Variants in PSORS1C1 observed in about 807,000 individuals in gnomAD.
PSORS1C1 encodes psoriasis susceptibility 1 candidate gene 1 protein.
In PSORS1C1, 7 loss-of-function variants were observed where a neutral mutation model predicts 9.4. The observed-to-expected ratio is 0.75, with a 90% CI of 0.42 to 1.40. The LOEUF (loss-of-function observed/expected upper bound fraction) is 1.40, where lower values mean the gene tolerates loss of function less well. Ranked by LOEUF, PSORS1C1 falls within the 40% of genes most tolerant of loss-of-function variation. The pLI is 0.01. For missense variants in PSORS1C1, 146 were observed against 178.1 expected, an observed-to-expected ratio of 0.82 and a Z score of 1.02; for synonymous variants, 63 against 69.4, an observed-to-expected ratio of 0.91 and a Z score of 0.46.
At chr6:31,130,862 ATT>A (rs56327850) in intron 3 of PSORS1C1, among the ~76,000 whole-genome samples, 1 of 143,516 alleles carries the variant, frequency 7.0e-6, no homozygotes. Flanking sequence ...TTTAATTTTA[ATT>A]TTTTTTTTTT....
chr6:31,117,532 G>A (rs1196569480), intron 1 of PSORS1C1: 1 of 1,549,736 alleles, frequency 6.5e-7, no homozygotes, highest in Admixed American at 2.0e-5. Context: ...CAAGGTCCCT[G>A]TGGAGGAAAG....
chr6:31,138,268 C>T, intron 3 of PSORS1C1, 162 bp from the exon 4 acceptor site: 1 of 1,577,736 alleles, frequency 6.3e-7, no homozygotes, highest in Non-Finnish European at 8.6e-7. Flanking sequence ...CGGTCCTCTG[C>T]GGGTGGGTGA....
At chr6:31,116,232 A>G in intron 1 of PSORS1C1, 3 of 1,614,070 alleles carry the variant, frequency 1.9e-6, no homozygotes, top group Non-Finnish European at 2.5e-6. Flanking sequence ...AGGAGGAGAC[A>G]GACATGCAAG....
Position 31,115,875 on chromosome 6 carries a change from C to A in PSORS1C1, c.-229+984C>A, listed in dbSNP as rs2150955359. 1.5e-6 allele frequency: 1 copy of A among 675,888 alleles called. No individual in the cohort carries two copies. Among genetic ancestry groups the A allele is most frequent in the Admixed American group, 2.3e-5 (1 of 43,118 alleles). The allele number at this position is 675,888 out of a possible 1,614,324, so 41.9% of individuals were successfully genotyped here. ...AGGGGTGATAAGAGAGAGTCTGCAA[C>A]CTTGGGGTAGTGGAGAAAGCAGAAC... On this transcript the variant is annotated intron_variant, in intron 1 of 5. Transcript: ENST00000259881. This position sits in a 1 kb window ranked among gnomAD's most constrained non-coding sequence, Gnocchi z 4.2.
rs60544531 is a variant in PSORS1C1, at chr6:31,134,503, C to T, written c.14-3927C>T. Reference sequence around the variant, plus strand: ...GTATTTTTTAGTAGAGACTGGGTTTCACCATGTTAGCCAGGATGGTCTCGA... The same window carrying T: ...GTATTTTTTAGTAGAGACTGGGTTTTACCATGTTAGCCAGGATGGTCTCGA... On this transcript the variant is annotated intron_variant, in intron 3 of 5. Coordinates refer to ENST00000259881, the MANE Select transcript of PSORS1C1 (RefSeq NM_014068.3). 0.013 allele frequency among the ~76,000 whole-genome samples: 1,992 copies of T among 152,062 alleles called. 99 individuals carry two copies. The East Asian group carries it at 0.14, about 10-fold the overall frequency.
chr6:31,114,829 CA>C lies in PSORS1C1; in HGVS notation c.-290del. Reference sequence around the variant, plus strand: ...TTGTGTCCCAGCCTTCCCAAGCTTCCAGGTGTCCCAGAAACCCAGGAAATCG... The same window carrying C: ...TTGTGTCCCAGCCTTCCCAAGCTTCCGGTGTCCCAGAAACCCAGGAAATCG... On this transcript the variant is annotated 5_prime_UTR_variant, in exon 1 of 6. Coordinates refer to ENST00000259881, the MANE Select transcript of PSORS1C1 (RefSeq NM_014068.3). 2.2e-6 allele frequency: 1 copy of C among 455,994 alleles called. No homozygotes were observed. The highest frequency in any genetic ancestry group is 2.4e-5 in the Admixed American group (1 of 42,468). The allele number at this position is 455,994 out of a possible 1,614,324, so 28.2% of individuals were successfully genotyped here. A position where few individuals can be genotyped will look rare whatever the true frequency, so the allele number is the denominator to read the frequency against.
At chr6:31,134,660 G>C (rs1773071513) in intron 3 of PSORS1C1, among the ~76,000 whole-genome samples, 1 of 152,216 alleles carries the variant, frequency 6.6e-6, no homozygotes, top group East Asian at 1.9e-4. Context: ...GTTCTAAGTG[G>C]TGAAATTTAA....
rs1265045 is a variant in PSORS1C1 at position 31,117,563 on chromosome 6, G to A, written c.-229+2672G>A. 287,218 of 1,539,160 alleles carry A rather than the reference G, an allele frequency of 0.19. 28,516 individuals are homozygous for A. Among genetic ancestry groups the A allele is most frequent in the East Asian group, 0.33 (13,297 of 40,868 alleles). ...GAAAGCAGTGGTTAGTAAGGGCCAA[G>A]GAGGCTTGGCTTCCTCCCTCACCTT... On this transcript the variant is annotated intron_variant, in intron 1 of 5. Coordinates refer to ENST00000259881, the MANE Select transcript of PSORS1C1 (RefSeq NM_014068.3).
intron 3 of PSORS1C1, among the ~76,000 whole-genome samples, chr6:31,134,504 A>T (rs973544739): frequency 6.6e-6 from 1 of 151,308 alleles, no homozygotes; most frequent in Non-Finnish European, 1.5e-5. Flanking sequence ...ACTGGGTTTC[A>T]CCATGTTAGC....
intron 3 of PSORS1C1, among the ~76,000 whole-genome samples, chr6:31,132,324 C>T (rs766255283): frequency 2.0e-5 from 3 of 152,104 alleles, no homozygotes; most frequent in Non-Finnish European, 2.9e-5. Flanking sequence ...GAGTTTGAGA[C>T]CAGCCTGGCC....
chr6:31,129,566 C>G lies in PSORS1C1; in HGVS notation c.-64-3C>G, dbSNP rs1329111214. 3 of 777,322 alleles carry G rather than the reference C, an allele frequency of 3.9e-6. No individual in the cohort carries two copies. The highest frequency in any genetic ancestry group is 1.7e-5 in the Admixed American group (1 of 58,598). The allele number at this position is 777,322 out of a possible 1,614,324, so 48.2% of individuals were successfully genotyped here. On this transcript the variant is annotated splice_polypyrimidine_tract_variant and splice_region_variant and intron_variant, in intron 2 of 5. Coordinates refer to ENST00000259881, the MANE Select transcript of PSORS1C1 (RefSeq NM_014068.3). Reference sequence around the variant, plus strand: ...TTTCCCACTCACCTACCTGCCATGTCAGCCTGGGAAGAATTGGTTTGCAGC... The same window carrying G: ...TTTCCCACTCACCTACCTGCCATGTGAGCCTGGGAAGAATTGGTTTGCAGC...
chr6:31,138,993 C>A, intron 5 of PSORS1C1: 1 of 1,614,116 alleles, frequency 6.2e-7, no homozygotes, highest in Non-Finnish European at 8.5e-7. Context: ...AGGCAAAGGA[C>A]CAGGATCCCC....
At chr6:31,132,358 C>T (rs965104410) in intron 3 of PSORS1C1, among the ~76,000 whole-genome samples, 1 of 151,590 alleles carries the variant, frequency 6.6e-6, no homozygotes, top group African/African-American at 2.4e-5. Flanking sequence ...CCTGTTTCTA[C>T]TAAAAATACA....
intron 2 of PSORS1C1, among the ~76,000 whole-genome samples, chr6:31,127,541 C>T (rs1193301803): frequency 8.3e-6 from 1 of 120,392 alleles, no homozygotes; most frequent in Non-Finnish European, 1.8e-5. Flanking sequence ...TCCATTCTCT[C>T]AATGACCCTA....
At chr6:31,138,095 C>T in intron 3 of PSORS1C1, 1 of 1,586,126 alleles carries the variant, frequency 6.3e-7, no homozygotes. Context: ...GAGGAGGATC[C>T]GTTCTAGGCG....
intron 5 of PSORS1C1, 122 bp downstream of exon 5, chr6:31,138,901 A>G: frequency 6.2e-7 from 1 of 1,600,372 alleles, no homozygotes; most frequent in Non-Finnish European, 8.6e-7. Context: ...CCATGCGTCC[A>G]GTTCACCTCC....
At chr6:31,134,124 G>A (rs1025870012) in intron 3 of PSORS1C1, among the ~76,000 whole-genome samples, 8 of 151,592 alleles carry the variant, frequency 5.3e-5, no homozygotes, top group African/African-American at 7.3e-5. Flanking sequence ...GATTACAGGC[G>A]CCCGCCACCA....
rs376877885 is a variant in PSORS1C1 at position 31,116,286 on chromosome 6, G to A, written c.-229+1395G>A. The A allele has an allele frequency of 4.3e-6, 7 of 1,614,034 alleles. No individual in the cohort carries two copies. In the African/African-American group the frequency reaches 9.3e-5, roughly 22 times the overall value. On this transcript the variant is annotated intron_variant, in intron 1 of 5. Transcript: ENST00000259881. The stretch of plus-strand genomic sequence containing the variant: ...ACTTGCTGCCACAAGGCTGAAGGAT[G>A]ATTTTGCCACTGGATTGGGAACTGG...
chr6:31,129,620 T>G lies in PSORS1C1; in HGVS notation c.-13T>G. ...GCAGTCCTCCATCCAGTCTTGACTT[T>G]GGCACTTGTGATATGACTTGCACAG... On this transcript the variant is annotated 5_prime_UTR_variant, in exon 3 of 6. Coordinates refer to ENST00000259881, the MANE Select transcript of PSORS1C1 (RefSeq NM_014068.3). The G allele has an allele frequency of 1.3e-6, 1 of 779,998 alleles. No individual in the cohort carries two copies. Among genetic ancestry groups the G allele is most frequent in the Non-Finnish European group, 2.4e-6 (1 of 418,118 alleles). 48.3% of individuals were successfully genotyped at this position (779,998 alleles called of 1,614,324 possible). A position where few individuals can be genotyped will look rare whatever the true frequency, so the allele number is the denominator to read the frequency against.
Sources: allele counts gnomAD v4.1 joint callset (sites outside exome capture counted in the v4.1 genomes callset), GRCh38; gene constraint gnomAD v4.1.1; non-coding constraint Gnocchi (gnomAD v3.1); transcripts MANE v1.5; gene names NCBI Gene and HGNC (gene_info 2026-07-23, HGNC 2026-07-21).